The following FHOD3 variants were observed in gnomAD, a reference collection of about 807,000 sequenced individuals.
The protein encoded by FHOD3 is FH1/FH2 domain-containing protein 3.
A neutral mutation model predicts 173.0 loss-of-function variants in FHOD3; 90 were observed. The ratio of observed to expected loss-of-function variants is 0.52; its 90% CI spans 0.44 to 0.62. FHOD3 has a LOEUF of 0.62. Among genes scored for constraint, FHOD3 ranks in the 20% least tolerant of loss-of-function variants. The pLI is 0.00. For synonymous variants in FHOD3, 828 were observed against 823.0 expected (o/e 1.01, Z -0.10); for missense variants, 1,945 against 2,034.7 (o/e 0.96, Z 0.85).
At chr18:36,717,666 A>G (rs2040532044) in intron 18 of FHOD3, among the ~76,000 whole-genome samples, 166 bp from the exon 19 acceptor site, 1 of 152,106 alleles carries the variant, frequency 6.6e-6, no homozygotes, top group Non-Finnish European at 1.5e-5. Context: ...ATAAAGCAGC[A>G]TCTCTTCTTG....
chr18:36,532,054 A>G (rs1046024354), intron 5 of FHOD3, among the ~76,000 whole-genome samples: 3 of 152,192 alleles, frequency 2.0e-5, no homozygotes, highest in Admixed American at 6.5e-5. Context: ...TTCTCTGCAC[A>G]GCTGCCTCTG....
In FHOD3 at chr18:36,447,471, T is replaced by C. The variant is rs148812033; in HGVS notation, c.338-54461T>C. On this transcript the variant is annotated intron_variant, in intron 3 of 28. Coordinates refer to ENST00000590592, the MANE Select transcript of FHOD3 (RefSeq NM_001281740.3). ...CTAATTGGTTGGGTTTTGTTTTTCC[T>C]GCCTGAGCTGGTTTTGTTTTGTTTG... is the stretch of plus-strand genomic sequence containing the variant. Among the ~76,000 whole-genome samples, 271 of 148,218 alleles carry C rather than the reference T, an allele frequency of 1.8e-3. 2 individuals are homozygous for C. Among genetic ancestry groups the C allele is most frequent in the Middle Eastern group, 0.014 (4 of 294 alleles).
chr18:36,433,344 A>T (rs967027704), intron 3 of FHOD3, among the ~76,000 whole-genome samples: 1 of 152,234 alleles, frequency 6.6e-6, no homozygotes, highest in Non-Finnish European at 1.5e-5. Context: ...ACACAGGATT[A>T]GTCAGTAACA....
At chr18:36,308,570 C>T (rs1247210951) in intron 1 of FHOD3, among the ~76,000 whole-genome samples, 1 of 152,154 alleles carries the variant, frequency 6.6e-6, no homozygotes. Flanking sequence ...AAAACTCATT[C>T]TAGGCTTTCC....
intron 11 of FHOD3, 77 bp from the exon 12 acceptor site, chr18:36,652,493 T>A (rs1249751764): frequency 1.4e-6 from 2 of 1,444,636 alleles, no homozygotes; most frequent in African/African-American, 2.9e-5. Context: ...TTTGCCTGTC[T>A]CTCTTTTTCC....
chr18:36,730,083 C>T (rs1011914769), intron 19 of FHOD3, among the ~76,000 whole-genome samples: 6 of 152,166 alleles, frequency 3.9e-5, no homozygotes, highest in African/African-American at 1.4e-4. Flanking sequence ...GGCCTAAGTG[C>T]ACAGGAAAGG....
chr18:36,386,358 C>T (rs964433822), intron 3 of FHOD3, among the ~76,000 whole-genome samples: 14 of 152,274 alleles, frequency 9.2e-5, no homozygotes, highest in Admixed American at 7.8e-4. Flanking sequence ...CAGGGGTGGG[C>T]TGACCGGGCA....
At chr18:36,514,864 G>A (rs1568370905) in intron 5 of FHOD3, among the ~76,000 whole-genome samples, 1 of 152,212 alleles carries the variant, frequency 6.6e-6, no homozygotes, top group Non-Finnish European at 1.5e-5. Flanking sequence ...ATGACCCCCT[G>A]TAGCTGCACG....
intron 1 of FHOD3, among the ~76,000 whole-genome samples, chr18:36,347,136 A>G (rs528037341): frequency 1.3e-5 from 2 of 152,366 alleles, no homozygotes; most frequent in Admixed American, 1.3e-4. Flanking sequence ...TGAACAAGCC[A>G]GTGATAATAA....
intron 16 of FHOD3, among the ~76,000 whole-genome samples, chr18:36,690,459 C>T (rs1307781872): frequency 6.6e-6 from 1 of 151,954 alleles, no homozygotes; most frequent in Non-Finnish European, 1.5e-5. Flanking sequence ...GCCGGTGGGT[C>T]CTCAGATCAA....
intron 5 of FHOD3, among the ~76,000 whole-genome samples, chr18:36,536,525 C>T (rs1024348746): frequency 6.6e-6 from 1 of 152,222 alleles, no homozygotes; most frequent in African/African-American, 2.4e-5. Flanking sequence ...ACACAGCTCC[C>T]CTCTGCAGGT....
intron 8 of FHOD3, among the ~76,000 whole-genome samples, chr18:36,606,682 G>A (rs890248208): frequency 1.3e-5 from 2 of 152,104 alleles, no homozygotes; most frequent in Non-Finnish European, 2.9e-5. Flanking sequence ...TCAGGTATAG[G>A]TAAGACTCAA....
intron 5 of FHOD3, among the ~76,000 whole-genome samples, chr18:36,572,829 T>G (rs1172227263): frequency 2.0e-5 from 3 of 152,056 alleles, no homozygotes; most frequent in African/African-American, 7.2e-5. Context: ...TCTCTCCCTG[T>G]GTGGTTAGCT....
chr18:36,740,703 G>A lies in FHOD3; in HGVS notation c.3624G>A (p.Gln1208=). 1.2e-6 allele frequency: 2 copies of A among 1,614,010 alleles called. No homozygotes were observed. Among genetic ancestry groups the A allele is most frequent in the Non-Finnish European group, 1.7e-6 (2 of 1,180,014 alleles). Residue 1208 remains glutamine (Q), a synonymous_variant, in exon 21 of 29, where the codon CAG becomes CAA. Coordinates refer to ENST00000590592, the MANE Select transcript of FHOD3 (RefSeq NM_001281740.3). ...CCGATGAGGAGAAGCAGAAAATCCA[G>A]GAAGCTCAGCTGGCCAACCCTGAAA... The part of the protein sequence containing the change: ...IPTDEEKQKI[Q]EAQLANPEIP...
At chr18:36,478,705 A>G (rs2053721326) in intron 3 of FHOD3, among the ~76,000 whole-genome samples, 1 of 152,138 alleles carries the variant, frequency 6.6e-6, no homozygotes, top group Non-Finnish European at 1.5e-5. Context: ...CCACTTCTCT[A>G]CTTAAAACTG....
chr18:36,309,426 G>A (rs911652217), intron 1 of FHOD3, among the ~76,000 whole-genome samples: 3 of 152,316 alleles, frequency 2.0e-5, no homozygotes, highest in East Asian at 1.9e-4. Context: ...TGCCAAACAC[G>A]GAGATTCTGC....
chr18:36,764,647 A>G (rs1176643731), intron 27 of FHOD3, among the ~76,000 whole-genome samples: 3 of 152,132 alleles, frequency 2.0e-5, no homozygotes, highest in East Asian at 1.9e-4. Flanking sequence ...CTGACCAGAA[A>G]GGATAGCGAG....
At chr18:36,547,944 A>G (rs1257126745) in intron 5 of FHOD3, among the ~76,000 whole-genome samples, 1 of 152,208 alleles carries the variant, frequency 6.6e-6, no homozygotes. Flanking sequence ...TGTAATCCTA[A>G]CACTTTGGGA....
chr18:36,372,178 C>G (rs753379817), intron 2 of FHOD3, among the ~76,000 whole-genome samples: 15 of 152,240 alleles, frequency 9.9e-5, no homozygotes, highest in Middle Eastern at 6.8e-3. Context: ...TTTGTAGATT[C>G]CCATTTTCCT....
Sources: gnomAD v4.1 joint callset for allele counts (sites outside exome capture counted in the v4.1 genomes callset) on GRCh38, gnomAD v4.1.1 for gene constraint, MANE v1.5 for transcripts, NCBI Gene and HGNC (gene_info 2026-07-23, HGNC 2026-07-21) for gene names.